The following ERCC6L2 variants were observed in gnomAD, a reference collection of about 807,000 sequenced individuals.
The protein encoded by ERCC6L2 is DNA excision repair protein ERCC-6-like 2.
Under a neutral mutation model 132.0 loss-of-function variants are expected in ERCC6L2, and 77 were observed. The ratio of observed to expected loss-of-function variants is 0.58; its 90% CI spans 0.49 to 0.71. ERCC6L2 has a LOEUF of 0.71. Among genes scored for constraint, ERCC6L2 ranks in the 30% least tolerant of loss-of-function variants. ERCC6L2 has a pLI of 0.00. For missense variants in ERCC6L2, 1,542 were observed against 1,837.6 expected, an observed-to-expected ratio of 0.84 and a Z score of 2.94; for synonymous variants, 583 against 632.4, an observed-to-expected ratio of 0.92 and a Z score of 1.17.
chr9:96,037,888 G>A (rs1158657212), intron 19 of ERCC6L2, among the ~76,000 whole-genome samples: 1 of 151,848 alleles, frequency 6.6e-6, no homozygotes, highest in Non-Finnish European at 1.5e-5. Flanking sequence ...TGTCCAGGGT[G>A]GCGCAGGGGC....
At chr9:95,933,708 G>A (rs1297222653) in intron 11 of ERCC6L2, among the ~76,000 whole-genome samples, 1 of 151,940 alleles carries the variant, frequency 6.6e-6, no homozygotes, top group African/African-American at 2.4e-5. Context: ...GCCAGGTGCA[G>A]CGGTTCATGC....
chr9:95,909,749 A>G (rs147064531), intron 4 of ERCC6L2, among the ~76,000 whole-genome samples: 1,853 of 152,226 alleles, frequency 0.012, 17 homozygotes, highest in South Asian at 0.025. Context: ...TATAGATAAA[A>G]CTTCAAGGCA....
chr9:95,880,936 C>T lies in ERCC6L2; in HGVS notation c.114C>T (p.Ser38=). ...ATAATGGAAAACTTTGTGAAGCAAG[C>T]ATAAAATCTATCACAGTGGATGAAA... The part of the protein sequence containing the change: ...SPDNGKLCEA[S]IKSITVDENG... Residue 38 remains serine, a synonymous_variant, in exon 2 of 19, where the codon AGC becomes AGT. Coordinates refer to ENST00000653738, the MANE Select transcript of ERCC6L2 (RefSeq NM_020207.7). The T allele has an allele frequency of 6.2e-7, 1 of 1,613,854 alleles. No individual in the cohort carries two copies. The highest frequency in any genetic ancestry group is 1.7e-4 in the Middle Eastern group (1 of 6,056).
chr9:95,878,043 G>A (rs772335284), intron 1 of ERCC6L2, among the ~76,000 whole-genome samples: 10 of 152,178 alleles, frequency 6.6e-5, no homozygotes, highest in Non-Finnish European at 8.8e-5. Flanking sequence ...GGTACCCTAC[G>A]CTAAATAGGT....
chr9:95,962,717 G>A (rs1365667254), intron 13 of ERCC6L2, among the ~76,000 whole-genome samples: 2 of 152,246 alleles, frequency 1.3e-5, no homozygotes, highest in East Asian at 3.9e-4. Flanking sequence ...TTATGATGGT[G>A]CTAAAATGAT....
At chr9:96,008,833 G>A (rs992169468) in intron 18 of ERCC6L2, among the ~76,000 whole-genome samples, 2 of 152,230 alleles carry the variant, frequency 1.3e-5, no homozygotes, top group Non-Finnish European at 2.9e-5. Flanking sequence ...GACAGAGGTT[G>A]TGGTGCCTCC....
At chr9:96,006,099 T>G (rs1179337485) in intron 18 of ERCC6L2, among the ~76,000 whole-genome samples, 1 of 152,200 alleles carries the variant, frequency 6.6e-6, no homozygotes, top group Non-Finnish European at 1.5e-5. Context: ...ATGTATGAGC[T>G]ACTCCTGGTT....
At chr9:95,943,087 T>C (rs1830880155) in intron 12 of ERCC6L2, among the ~76,000 whole-genome samples, 1 of 152,126 alleles carries the variant, frequency 6.6e-6, no homozygotes, top group South Asian at 2.1e-4. Context: ...GAAAATTATT[T>C]TGAGTTGTAT....
Position 95,972,934 on chromosome 9 carries a change from A to C in ERCC6L2, c.3183A>C (p.Arg1061Ser). 7.6e-7 allele frequency: 1 copy of C among 1,308,124 alleles called. No homozygotes were observed. Among genetic ancestry groups the C allele is most frequent in the Non-Finnish European group, 1.0e-6 (1 of 990,304 alleles). 81.0% of individuals were successfully genotyped at this position (1,308,124 alleles called of 1,614,324 possible). A position where few individuals can be genotyped will look rare whatever the true frequency, so the allele number is the denominator to read the frequency against. The part of the protein sequence containing the change: ...SHFSFSKQSH[R>S]PRTIRDRTSF... ...TCAGTTTCTCTAAACAGAGCCACAG[A>C]CCAAGAACTATAAGAGACAGAACTA... The change falls in exon 16 of 19, where the codon AGA becomes AGC. Residue 1061 changes from arginine (R) to serine (S), a missense_variant. Around this residue, in one of 4 missense-constraint regions of ERCC6L2, gnomAD observed 2 missense variants for 16.7 expected, o/e 0.12. Transcript: ENST00000653738.
In ERCC6L2 at chr9:95,915,824, G is replaced by A. The variant is rs750933181; in HGVS notation, c.945G>A (p.Met315Ile). 11 of 1,593,110 alleles carry A rather than the reference G, an allele frequency of 6.9e-6. No homozygotes were observed. In the South Asian group the frequency reaches 1.1e-4, roughly 17 times the overall value. ...QNNMKELWCV[M>I]DWAVPGLLGS... ...ACATGAAGGAACTGTGGTGTGTTATGGACTGGTGAGAGAAAACACTTTTTA... is the reference window on the plus strand; with the variant it reads ...ACATGAAGGAACTGTGGTGTGTTATAGACTGGTGAGAGAAAACACTTTTTA... Residue 315 changes from methionine (M) to isoleucine (I), a missense_variant, in exon 5 of 19, where the codon ATG becomes ATA. Around this residue, in one of 4 missense-constraint regions of ERCC6L2, gnomAD observed 945 missense variants for 1,105.2 expected, o/e 0.86. Transcript: ENST00000653738.
In ERCC6L2 at chr9:96,015,664, G is replaced by A. The variant is rs1171439868; in HGVS notation, c.*2461G>A. On this transcript the variant is annotated 3_prime_UTR_variant, in exon 19 of 19. Coordinates refer to ENST00000653738, the MANE Select transcript of ERCC6L2 (RefSeq NM_020207.7). ...AAAAAAATACAAAAATTAGCCAGGC[G>A]TGGTGGTGGGCGCCTGTAGTCCCAG... 3.3e-5 allele frequency among the ~76,000 whole-genome samples: 5 copies of A among 150,818 alleles called. No individual in the cohort carries two copies. The highest frequency in any genetic ancestry group is 9.7e-5 in the African/African-American group (4 of 41,096).
downstream of ERCC6L2, chr9:96,020,573 T>TG: frequency 2.8e-6 from 1 of 359,364 alleles, no homozygotes; most frequent in East Asian, 7.4e-5. Flanking sequence ...CATGTTGGGG[T>TG]GGACAAGCAG....
intron 12 of ERCC6L2, among the ~76,000 whole-genome samples, chr9:95,944,577 T>C (rs2132900348): frequency 6.6e-6 from 1 of 152,298 alleles, no homozygotes; most frequent in East Asian, 1.9e-4. Flanking sequence ...TATGATACAA[T>C]TGGTTCTCAA....
rs1832497938 is a variant in ERCC6L2 at position 95,973,046 on chromosome 9, G to A, written c.3295G>A (p.Val1099Ile). The A allele has an allele frequency of 2.9e-6, 4 of 1,361,484 alleles. No individual in the cohort carries two copies. Among genetic ancestry groups the A allele is most frequent in the Non-Finnish European group, 3.9e-6 (4 of 1,019,770 alleles). The allele number at this position is 1,361,484 out of a possible 1,614,324, so 84.3% of individuals were successfully genotyped here. The change falls in exon 16 of 19, where the codon GTT becomes ATT. Residue 1099 changes from valine to isoleucine, a missense_variant. By Grantham distance (29) the Val-to-Ile change is conservative. Around this residue, in one of 4 missense-constraint regions of ERCC6L2, gnomAD observed 442 missense variants for 583.4 expected, o/e 0.76. Coordinates refer to ENST00000653738, the MANE Select transcript of ERCC6L2 (RefSeq NM_020207.7). ...AATGAAATGTTCAAATGAGAAAGTT[G>A]TTAATCAAGAGCAGTCGTATGAATC... ...KPMKCSNEKV[V>I]NQEQSYESMD... is the part of the protein sequence containing the mutation.
intron 17 of ERCC6L2, among the ~76,000 whole-genome samples, chr9:96,000,849 G>T (rs1417638408): frequency 6.6e-6 from 1 of 152,218 alleles, no homozygotes; most frequent in Non-Finnish European, 1.5e-5. Flanking sequence ...GTTCTTACGT[G>T]ATAGTGTGTC....
intron 12 of ERCC6L2, among the ~76,000 whole-genome samples, chr9:95,948,333 G>A (rs1404682019): frequency 4.6e-5 from 7 of 152,184 alleles, no homozygotes; most frequent in Non-Finnish European, 1.0e-4. Context: ...CTGATGATGT[G>A]ACTAAATTGT....
At chr9:95,903,781 A>G (rs1828895155) in intron 3 of ERCC6L2, among the ~76,000 whole-genome samples, 1 of 152,110 alleles carries the variant, frequency 6.6e-6, no homozygotes, top group Non-Finnish European at 1.5e-5. Context: ...TGATATCAAA[A>G]TGAAAAATAA....
intron 19 of ERCC6L2, among the ~76,000 whole-genome samples, chr9:96,031,320 G>T (rs1377053435): frequency 1.3e-5 from 2 of 152,154 alleles, no homozygotes; most frequent in Non-Finnish European, 2.9e-5. Flanking sequence ...TGTTTTTTAA[G>T]GAACAGTGGT....
intron 2 of ERCC6L2, among the ~76,000 whole-genome samples, chr9:95,888,512 G>T (rs1827994603): frequency 6.6e-6 from 1 of 151,978 alleles, no homozygotes; most frequent in Admixed American, 6.6e-5. Context: ...ACATGTTCTG[G>T]CTTTTTCTTT....
Sources: allele counts gnomAD v4.1 joint callset (sites outside exome capture counted in the v4.1 genomes callset), GRCh38; gene constraint gnomAD v4.1.1; regional missense constraint gnomAD v4.1.1; transcripts MANE v1.5; gene names NCBI Gene and HGNC (gene_info 2026-07-23, HGNC 2026-07-21).